RASSF6: variants seen among roughly 807,000 people sequenced by gnomAD.
RASSF6 encodes the protein Ras association domain family member 6.
In RASSF6, 52 loss-of-function variants were observed where a neutral mutation model predicts 44.0. That is an observed-to-expected ratio of 1.18 (90% CI 0.95 to 1.49). The LOEUF (loss-of-function observed/expected upper bound fraction) is 1.49, where lower values mean the gene tolerates loss of function less well. Among genes scored for constraint, RASSF6 ranks in the 40% most tolerant of loss-of-function variants. The pLI is 0.00. For missense variants in RASSF6, 464 were observed against 393.3 expected, an observed-to-expected ratio of 1.18 and a Z score of -1.52; for synonymous variants, 162 against 124.6, an observed-to-expected ratio of 1.30 and a Z score of -2.00.
chr4:73,599,146 C>G (rs957312642), intron 2 of RASSF6, among the ~76,000 whole-genome samples: 1 of 152,210 alleles, frequency 6.6e-6, no homozygotes, highest in Non-Finnish European at 1.5e-5. Context: ...CCCCAACTCT[C>G]CAAATCTGTG....
chr4:73,607,481 A>G (rs1276132649), intron 2 of RASSF6, among the ~76,000 whole-genome samples: 3 of 152,166 alleles, frequency 2.0e-5, no homozygotes, highest in Non-Finnish European at 2.9e-5. Flanking sequence ...CTGTACAAAC[A>G]TTGTTTCTAG....
At chr4:73,612,078 A>G (rs1578065891) in intron 1 of RASSF6, among the ~76,000 whole-genome samples, 1 of 152,188 alleles carries the variant, frequency 6.6e-6, no homozygotes, top group South Asian at 2.1e-4. Context: ...ATTTCTAGCA[A>G]AATAAATATG....
intron 4 of RASSF6, among the ~76,000 whole-genome samples, chr4:73,592,944 A>T (rs1724659217): frequency 6.6e-6 from 1 of 151,992 alleles, no homozygotes; most frequent in African/African-American, 2.4e-5. Context: ...CCACATCGTA[A>T]TTGGGGATCT....
chr4:73,578,536 T>C (rs957999314), intron 8 of RASSF6, among the ~76,000 whole-genome samples: 3 of 152,202 alleles, frequency 2.0e-5, no homozygotes, highest in African/African-American at 4.8e-5. Context: ...TACTCTGCAT[T>C]ACCCTTTGAG....
chr4:73,587,823 A>G lies in RASSF6; in HGVS notation c.382+17T>C. On this transcript the variant is annotated intron_variant, in intron 5 of 10. Coordinates refer to ENST00000307439, the MANE Select transcript of RASSF6 (RefSeq NM_177532.5). ...TTAAAAATTAAGTCTCCCAATCAAT[A>G]AGATTTTGATACTGACCTTCCTGGG... 1.3e-6 allele frequency: 2 copies of G among 1,538,976 alleles called. No individual in the cohort carries two copies. Among genetic ancestry groups the G allele is most frequent in the Non-Finnish European group, 9.0e-7 (1 of 1,113,620 alleles).
At chr4:73,585,042 CAT>C (rs1578026150) in intron 6 of RASSF6, 136 bp downstream of exon 6, 1 of 551,116 alleles carries the variant, frequency 1.8e-6, no homozygotes, top group Non-Finnish European at 3.2e-6. Context: ...ATATCTAGCA[CAT>C]AGAGAGTGCC....
intron 6 of RASSF6, 32 bp downstream of exon 6, chr4:73,585,148 A>G: frequency 6.8e-7 from 1 of 1,473,370 alleles, no homozygotes; most frequent in Non-Finnish European, 9.2e-7. Flanking sequence ...ACCTTATTTT[A>G]TATTACATTA....
intron 2 of RASSF6, among the ~76,000 whole-genome samples, chr4:73,611,254 C>T (rs1483320894): frequency 1.3e-5 from 2 of 152,094 alleles, no homozygotes; most frequent in Admixed American, 6.6e-5. Context: ...GTTCCCAAAG[C>T]AATATGAGAT....
chr4:73,588,588 G>A (rs1445700246), intron 4 of RASSF6, among the ~76,000 whole-genome samples: 1 of 151,748 alleles, frequency 6.6e-6, no homozygotes, highest in African/African-American at 2.4e-5. Flanking sequence ...TATTTATCTG[G>A]TCTTAAACAA....
At chr4:73,606,069 G>C (rs1316582591) in intron 2 of RASSF6, among the ~76,000 whole-genome samples, 1 of 152,182 alleles carries the variant, frequency 6.6e-6, no homozygotes, top group African/African-American at 2.4e-5. Context: ...ACTGGATATA[G>C]ACCCAAAGGA....
chr4:73,612,483 T>TCTTG (rs56131719), intron 1 of RASSF6, among the ~76,000 whole-genome samples: 1 of 25,684 alleles, frequency 3.9e-5, no homozygotes, highest in Non-Finnish European at 8.3e-5. Flanking sequence ...AGTTTTCTTT[T>TCTTG]TTTTTTTTTT....
intron 3 of RASSF6, among the ~76,000 whole-genome samples, chr4:73,595,418 C>A (rs1433676387): frequency 6.6e-6 from 1 of 152,014 alleles, no homozygotes; most frequent in Admixed American, 6.6e-5. Context: ...AGGCTGGTCT[C>A]GAACTCCTGA....
intron 4 of RASSF6, among the ~76,000 whole-genome samples, chr4:73,592,733 G>A (rs900042324): frequency 1.3e-5 from 2 of 152,274 alleles, no homozygotes; most frequent in East Asian, 1.9e-4. Flanking sequence ...AAAGCACAAT[G>A]AGCCCTTTGT....
intron 2 of RASSF6, among the ~76,000 whole-genome samples, chr4:73,610,373 C>G (rs956646017): frequency 6.6e-6 from 1 of 152,210 alleles, no homozygotes; most frequent in African/African-American, 2.4e-5. Context: ...CTTGTCCCCT[C>G]TCTACTCTGT....
rs531627704 is a variant in RASSF6, at chr4:73,608,154, T to C, written c.65+3577A>G. 2.5e-4 allele frequency among the ~76,000 whole-genome samples: 37 copies of C among 150,514 alleles called. No homozygotes were observed. The East Asian group carries it at 7.1e-3, about 29-fold the overall frequency. ...CATAGAAAATTCACGCATCCAGAAA[T>C]TGAAATAAATTCCATACATGTGATA... On this transcript the variant is annotated intron_variant, in intron 2 of 10. Coordinates refer to ENST00000307439, the MANE Select transcript of RASSF6 (RefSeq NM_177532.5).
chr4:73,592,935 C>T (rs1418683349), intron 4 of RASSF6, among the ~76,000 whole-genome samples: 4 of 151,958 alleles, frequency 2.6e-5, no homozygotes, highest in Non-Finnish European at 4.4e-5. Context: ...CCAGTTCTGC[C>T]ACATCGTAAT....
At position 73,585,817 on chromosome 4, in the gene RASSF6, T is replaced by C. The variant is rs551096884; in HGVS notation, c.383-453A>G. ...TGATAGAATCAGGTCTGGATCCTTA[T>C]TTTTTTATTTTTATTTTTATTTTAT... On this transcript the variant is annotated intron_variant, in intron 5 of 10. Coordinates refer to ENST00000307439, the MANE Select transcript of RASSF6 (RefSeq NM_177532.5). Among the ~76,000 whole-genome samples, 7 of 151,794 alleles carry C rather than the reference T, an allele frequency of 4.6e-5. No individual in the cohort carries two copies. In the East Asian group the frequency reaches 9.6e-4, roughly 21 times the overall value.
chr4:73,585,116 G>T, intron 6 of RASSF6, 64 bp downstream of exon 6: 1 of 1,121,670 alleles, frequency 8.9e-7, no homozygotes, highest in Non-Finnish European at 1.3e-6. Context: ...TGAATTGGGT[G>T]GTATTGTTAG....
Position 73,619,809 on chromosome 4 carries a change from G to T in RASSF6, c.-35+479C>A, listed in dbSNP as rs140637644. Among the ~76,000 whole-genome samples the T allele has an allele frequency of 4.0e-4, 60 of 151,848 alleles. 2 individuals carry two copies. Among genetic ancestry groups the T allele is most frequent in the African/African-American group, 1.4e-3 (59 of 41,420 alleles). On this transcript the variant is annotated intron_variant, in intron 1 of 10. Coordinates refer to ENST00000307439, the MANE Select transcript of RASSF6 (RefSeq NM_177532.5). ...AAATTCATTTTTTTTTTGGTGGGGG[G>T]CATGCTTTCTGTCACTTTGCAGAAA...
Sources: allele counts gnomAD v4.1 joint callset (sites outside exome capture counted in the v4.1 genomes callset), GRCh38; gene constraint gnomAD v4.1.1; transcripts MANE v1.5; gene names NCBI Gene and HGNC (gene_info 2026-07-23, HGNC 2026-07-21).